PCDHA8: variants seen among roughly 807,000 people sequenced by gnomAD.
The protein encoded by PCDHA8 is protocadherin alpha-8.
Under a neutral mutation model 61.8 loss-of-function variants are expected in PCDHA8, and 53 were observed. That is an observed-to-expected ratio of 0.86 (90% CI 0.69 to 1.08). PCDHA8 has a LOEUF of 1.08. Among genes scored for constraint, PCDHA8 ranks in the 50% least tolerant of loss-of-function variants. The pLI is 0.00. For missense variants in PCDHA8, 1,293 were observed against 1,245.0 expected, an observed-to-expected ratio of 1.04 and a Z score of -0.58; for synonymous variants, 618 against 556.6, an observed-to-expected ratio of 1.11 and a Z score of -1.55.
rs760426957 is a variant in PCDHA8, at chr5:141,009,783, G to A, written c.2699G>A (p.Arg900Gln). 2.5e-6 allele frequency: 4 copies of A among 1,613,880 alleles called. No individual in the cohort carries two copies. Among genetic ancestry groups the A allele is most frequent in the Admixed American group, 3.3e-5 (2 of 59,976 alleles). Reference protein sequence around the residue: ...IPGSPAIISIRQEPTNSQIDK... With the variant: ...IPGSPAIISIQQEPTNSQIDK... ...GGATCTCCTGCAATCATCTCCATCC[G>A]GCAGGAGCCTACTAACAGCCAAATT... is the stretch of plus-strand genomic sequence containing the variant. Residue 900 changes from arginine (R) to glutamine (Q), a missense_variant, in exon 4 of 4, where the codon CGG becomes CAG. Transcript: ENST00000531613.
intron 1 of PCDHA8, chr5:140,928,422 A>T (rs782264875): frequency 1.2e-6 from 2 of 1,614,136 alleles, no homozygotes; most frequent in Admixed American, 3.3e-5. Context: ...TCACTGCCAA[A>T]ACTTCCTTTG....
intron 1 of PCDHA8, among the ~76,000 whole-genome samples, chr5:140,880,863 T>C (rs1312869588): frequency 6.6e-6 from 1 of 152,170 alleles, no homozygotes; most frequent in Non-Finnish European, 1.5e-5. Flanking sequence ...TCTAATTATG[T>C]GAAGAGGTAA....
intron 1 of PCDHA8, among the ~76,000 whole-genome samples, chr5:140,931,261 A>G (rs1455233876): frequency 6.6e-6 from 1 of 152,152 alleles, no homozygotes; most frequent in African/African-American, 2.4e-5. Flanking sequence ...AAATTTCACT[A>G]TTTATTTCTT....
intron 1 of PCDHA8, among the ~76,000 whole-genome samples, chr5:140,923,305 G>T (rs552769255): frequency 2.6e-5 from 4 of 152,186 alleles, no homozygotes; most frequent in Non-Finnish European, 5.9e-5. Context: ...GGGCGTGGGG[G>T]CGCTTGGCCT....
chr5:140,936,034 A>C (rs1554210820), intron 1 of PCDHA8, among the ~76,000 whole-genome samples: 1 of 151,842 alleles, frequency 6.6e-6, no homozygotes, highest in East Asian at 1.9e-4. Context: ...CGGGGATTAC[A>C]GGCACCCACC....
intron 1 of PCDHA8, among the ~76,000 whole-genome samples, chr5:140,937,334 G>T (rs1459343291): frequency 3.3e-5 from 5 of 152,092 alleles, no homozygotes; most frequent in African/African-American, 1.2e-4. Flanking sequence ...ACCGCGCCCG[G>T]CTTCTTCCAT....
intron 1 of PCDHA8, among the ~76,000 whole-genome samples, chr5:140,940,668 C>T (rs1475667382): frequency 3.3e-5 from 5 of 152,166 alleles, no homozygotes; most frequent in African/African-American, 1.2e-4. Flanking sequence ...AAATCTTCAT[C>T]TGATAATTCC....
intron 1 of PCDHA8, among the ~76,000 whole-genome samples, chr5:140,926,146 G>T (rs553563976): frequency 6.6e-5 from 10 of 152,056 alleles, no homozygotes; most frequent in Non-Finnish European, 1.3e-4. Context: ...GATCCAGCGC[G>T]GAAAGCTCTG....
intron 1 of PCDHA8, among the ~76,000 whole-genome samples, chr5:140,896,646 G>C (rs1330006792): frequency 6.6e-6 from 1 of 152,078 alleles, no homozygotes; most frequent in Non-Finnish European, 1.5e-5. Flanking sequence ...CAAAGTGCTA[G>C]TATTACAGGC....
At chr5:140,889,176 A>T (rs2062131208) in intron 1 of PCDHA8, among the ~76,000 whole-genome samples, 1 of 151,738 alleles carries the variant, frequency 6.6e-6, no homozygotes, top group South Asian at 2.1e-4. Context: ...CAAGTTATAA[A>T]TAAGAATCTA....
chr5:140,922,581 C>T (rs893700923), intron 1 of PCDHA8, among the ~76,000 whole-genome samples: 2 of 152,104 alleles, frequency 1.3e-5, no homozygotes, highest in Non-Finnish European at 2.9e-5. Context: ...GCCCTGTAGC[C>T]GCCAGTTCTC....
At chr5:141,000,609 G>A (rs2097951405) in intron 3 of PCDHA8, among the ~76,000 whole-genome samples, 1 of 150,600 alleles carries the variant, frequency 6.6e-6, no homozygotes. Context: ...TGTATTTTTA[G>A]TAGAGACAGG....
At chr5:140,954,396 C>T (rs894225724) in intron 1 of PCDHA8, among the ~76,000 whole-genome samples, 3 of 152,176 alleles carry the variant, frequency 2.0e-5, no homozygotes, top group Admixed American at 1.3e-4. Context: ...TTTACAACCC[C>T]ACCAACAGGG....
chr5:140,985,228 C>G (rs1022229644), intron 3 of PCDHA8, among the ~76,000 whole-genome samples: 4 of 152,156 alleles, frequency 2.6e-5, no homozygotes, highest in Non-Finnish European at 4.4e-5. Context: ...TGAGCCACCG[C>G]GCCTGGCCTA....
At chr5:140,856,041 A>G in intron 1 of PCDHA8, 1 of 1,569,530 alleles carries the variant, frequency 6.4e-7, no homozygotes, top group Non-Finnish European at 8.7e-7. Flanking sequence ...AAACAAGAGA[A>G]GGATAAGATG....
chr5:140,925,782 A>T (rs567008166), intron 1 of PCDHA8, among the ~76,000 whole-genome samples: 10 of 152,174 alleles, frequency 6.6e-5, no homozygotes, highest in Admixed American at 4.6e-4. Context: ...AACTCTAATG[A>T]GTATCTCAGT....
At chr5:140,861,115 A>G (rs1466747567) in intron 1 of PCDHA8, 1 of 152,586 alleles carries the variant, frequency 6.6e-6, no homozygotes, top group Non-Finnish European at 1.5e-5. Context: ...AAAACTACAA[A>G]CACCCATTAA....
intron 3 of PCDHA8, among the ~76,000 whole-genome samples, chr5:140,988,245 G>C (rs17286877): frequency 0.027 from 4,184 of 152,286 alleles, 88 homozygotes; most frequent in Non-Finnish European, 0.043. Flanking sequence ...GAGTGGGGCA[G>C]CTCCCGCCTG....
chr5:140,932,593 A>T (rs1347990722), intron 1 of PCDHA8, among the ~76,000 whole-genome samples: 1 of 151,922 alleles, frequency 6.6e-6, no homozygotes, highest in South Asian at 2.1e-4. Context: ...GATGTTTTGT[A>T]TATCTATTTT....
Sources: gnomAD v4.1 joint callset for allele counts (sites outside exome capture counted in the v4.1 genomes callset) on GRCh38, gnomAD v4.1.1 for gene constraint, MANE v1.5 for transcripts, NCBI Gene and HGNC (gene_info 2026-07-23, HGNC 2026-07-21) for gene names.